CPS1: variants seen among roughly 807,000 people sequenced by gnomAD.
The protein encoded by CPS1 is carbamoyl-phosphate synthase 1.
A neutral mutation model predicts 174.6 loss-of-function variants in CPS1; 109 were observed. The ratio of observed to expected loss-of-function variants is 0.62; its 90% CI spans 0.53 to 0.73. The LOEUF is 0.73. Among genes scored for constraint, CPS1 ranks in the 30% least tolerant of loss-of-function variants. CPS1 has a pLI of 0.00. For missense variants in CPS1, 1,689 were observed against 1,821.9 expected (o/e 0.93, Z 1.33); for synonymous variants, 637 against 632.0 (o/e 1.01, Z -0.12).
chr2:210,527,886 G>A (rs969537027), intron 1 of CPS1, among the ~76,000 whole-genome samples: 1 of 151,738 alleles, frequency 6.6e-6, no homozygotes, highest in Non-Finnish European at 1.5e-5. Flanking sequence ...GTGGGAGAAG[G>A]TTGCATCAGG....
intron 1 of CPS1, among the ~76,000 whole-genome samples, chr2:210,488,801 C>T (rs188857352): frequency 6.6e-6 from 1 of 152,028 alleles, no homozygotes; most frequent in East Asian, 1.9e-4. Flanking sequence ...TCCTTCATTC[C>T]TTCTACTTTT....
intron 25 of CPS1, 107 bp downstream of exon 25, chr2:210,642,772 A>G: frequency 9.5e-7 from 1 of 1,048,982 alleles, no homozygotes; most frequent in East Asian, 2.6e-5. Context: ...AATTCCTCTT[A>G]GAAGAAAGGG....
intron 1 of CPS1, among the ~76,000 whole-genome samples, chr2:210,478,456 T>A (rs1694465428): frequency 6.6e-6 from 1 of 152,262 alleles, no homozygotes; most frequent in African/African-American, 2.4e-5. Context: ...AGTGATTGCA[T>A]TGTTTTCCTG....
chr2:210,504,446 C>G (rs1188212964), intron 1 of CPS1, among the ~76,000 whole-genome samples: 2 of 152,230 alleles, frequency 1.3e-5, no homozygotes, highest in East Asian at 3.8e-4. Context: ...TTAATCCTCA[C>G]ATCAGTGTCA....
At chr2:210,483,404 C>G (rs1410343778) in intron 1 of CPS1, among the ~76,000 whole-genome samples, 1 of 152,190 alleles carries the variant, frequency 6.6e-6, no homozygotes, top group Non-Finnish European at 1.5e-5. Context: ...TACTACTACT[C>G]ATCCCTCTTA....
intron 21 of CPS1, among the ~76,000 whole-genome samples, chr2:210,628,849 T>C (rs1029653984): frequency 1.3e-5 from 2 of 152,086 alleles, no homozygotes; most frequent in Admixed American, 1.3e-4. Context: ...TAATTCTTTC[T>C]AGAAGTCAAA....
rs374248169 is a variant in CPS1 at position 210,559,725 on chromosome 2, C to G, written c.126+2866C>G. Among the ~76,000 whole-genome samples the G allele has an allele frequency of 1.9e-3, 293 of 152,088 alleles. 1 individual carries two copies. Among genetic ancestry groups the G allele is most frequent in the African/African-American group, 6.6e-3 (274 of 41,500 alleles). On this transcript the variant is annotated intron_variant, in intron 1 of 37. Coordinates refer to ENST00000233072, the MANE Select transcript of CPS1 (RefSeq NM_001875.5). ...GGCACAAAAAGATCTGGAATCTAAC[C>G]CCTGTTATGCATTTCCTAATGCCCT...
Position 210,593,036 on chromosome 2 carries a change from A to G in CPS1, c.1164+80A>G, listed in dbSNP as rs1258324057. The stretch of plus-strand genomic sequence containing the variant: ...GGAAATTCGAGAAACCAAAATAATC[A>G]CCCCAGATGATCTTGAGCAGAACAT... On this transcript the variant is annotated intron_variant, in intron 11 of 37. Coordinates refer to ENST00000233072, the MANE Select transcript of CPS1 (RefSeq NM_001875.5). 3.4e-6 allele frequency: 4 copies of G among 1,191,366 alleles called. No individual in the cohort carries two copies. The East Asian group carries it at 9.4e-5, about 28-fold the overall frequency. The allele number at this position is 1,191,366 out of a possible 1,614,324, so 73.8% of individuals were successfully genotyped here.
intron 28 of CPS1, among the ~76,000 whole-genome samples, chr2:210,652,699 T>G (rs7599931): frequency 0.3 from 45,485 of 152,022 alleles, 7,204 homozygotes; most frequent in African/African-American, 0.4. Flanking sequence ...TCCAAGTGGA[T>G]ATGATTTAAA....
rs1265916772 is a variant in CPS1 at position 210,579,820 on chromosome 2, G to A, written c.528+50G>A. ...TCTATGTTTCTTCGGGTGTGTGTGT[G>A]TGTGTGTGTGTGTGGTGTTTCCCTC... On this transcript the variant is annotated intron_variant, in intron 5 of 37. Coordinates refer to ENST00000233072, the MANE Select transcript of CPS1 (RefSeq NM_001875.5). The A allele has an allele frequency of 5.6e-6, 8 of 1,430,854 alleles. No individual in the cohort carries two copies. The East Asian group carries it at 9.1e-5, about 16-fold the overall frequency. 88.6% of individuals were successfully genotyped at this position (1,430,854 alleles called of 1,614,324 possible).
intron 1 of CPS1, among the ~76,000 whole-genome samples, chr2:210,501,624 C>T (rs897305355): frequency 6.6e-5 from 10 of 152,170 alleles, no homozygotes; most frequent in African/African-American, 2.2e-4. Flanking sequence ...GCAATACTCA[C>T]CTTTATTCTA....
Position 210,663,205 on chromosome 2 carries a change from GT to G in CPS1, c.4002+10del. The G allele has an allele frequency of 6.2e-7, 1 of 1,608,906 alleles. No individual in the cohort carries two copies. The highest frequency in any genetic ancestry group is 1.3e-5 in the African/African-American group (1 of 74,816). ...ATGGCTTCCACTGGAGAGGTAACTA[GT>G]TAATAATCCATGGAAGCTTTCATTA... On this transcript the variant is annotated intron_variant, in intron 33 of 37. Coordinates refer to ENST00000233072, the MANE Select transcript of CPS1 (RefSeq NM_001875.5).
chr2:210,617,556 G>A (rs1699352840), intron 21 of CPS1: 1 of 151,984 alleles, frequency 6.6e-6, no homozygotes, highest in African/African-American at 2.4e-5. Context: ...TGATCAATAT[G>A]TGTACAAACT....
intron 25 of CPS1, among the ~76,000 whole-genome samples, chr2:210,645,384 A>G (rs1700348581): frequency 6.6e-6 from 1 of 152,210 alleles, no homozygotes. Flanking sequence ...TTTAACATTA[A>G]CTACACCTGA....
intron 1 of CPS1, among the ~76,000 whole-genome samples, chr2:210,534,376 A>G (rs768770563): frequency 9.2e-5 from 14 of 152,246 alleles, no homozygotes; most frequent in Admixed American, 2.6e-4. Context: ...GCTTAATGCA[A>G]ACTTACTCTG....
At chr2:210,634,327 G>A (rs927870871) in intron 21 of CPS1, among the ~76,000 whole-genome samples, 3 of 152,202 alleles carry the variant, frequency 2.0e-5, no homozygotes, top group African/African-American at 7.2e-5. Context: ...CTACTCGGGA[G>A]GCTGAGGCAG....
At chr2:210,542,887 A>G (rs956880314) in intron 1 of CPS1, among the ~76,000 whole-genome samples, 3 of 152,122 alleles carry the variant, frequency 2.0e-5, no homozygotes, top group Admixed American at 2.0e-4. Context: ...TCACTTGAGT[A>G]AATTCAATAC....
At chr2:210,511,477 A>G (rs1695490568) in intron 1 of CPS1, among the ~76,000 whole-genome samples, 1 of 152,118 alleles carries the variant, frequency 6.6e-6, no homozygotes, top group South Asian at 2.1e-4. Flanking sequence ...GCACATGTAT[A>G]CATATGTAAC....
intron 1 of CPS1, among the ~76,000 whole-genome samples, chr2:210,518,917 C>A (rs1695750658): frequency 6.6e-6 from 1 of 151,906 alleles, no homozygotes; most frequent in South Asian, 2.1e-4. Context: ...AAATTTTCTC[C>A]TCTTGTGTTT....
Sources: gnomAD v4.1 joint callset for allele counts (sites outside exome capture counted in the v4.1 genomes callset) on GRCh38, gnomAD v4.1.1 for gene constraint, MANE v1.5 for transcripts, NCBI Gene and HGNC (gene_info 2026-07-23, HGNC 2026-07-21) for gene names.